Variants in ZNF546 observed in about 807,000 individuals in gnomAD.
The protein encoded by ZNF546 is CTC-471F3.6.
ZNF546 carries 60 observed loss-of-function variants against 76.2 expected under a neutral mutation model. That is an observed-to-expected ratio of 0.79 (90% CI 0.64 to 0.98). The LOEUF (loss-of-function observed/expected upper bound fraction) is 0.98. ZNF546 is among the 50% of genes least tolerant of loss of function. ZNF546 has a pLI of 0.00. For synonymous variants in ZNF546, 277 were observed against 328.1 expected, an observed-to-expected ratio of 0.84 and a Z score of 1.68; for missense variants, 936 against 1,035.6, an observed-to-expected ratio of 0.90 and a Z score of 1.32.
chr19:40,015,621 A>G lies in ZNF546; in HGVS notation c.2351A>G (p.Lys784Arg). 1.2e-6 allele frequency: 2 copies of G among 1,614,128 alleles called. No homozygotes were observed. The highest frequency in any genetic ancestry group is 1.7e-6 in the Non-Finnish European group (2 of 1,180,018). The change falls in exon 7 of 7, where the codon AAA (lysine) becomes AGA (arginine). Residue 784 changes from lysine (K) to arginine (R), a missense_variant. Transcript: ENST00000347077. ...EKPYKCKECG[K>R]AFSVNSELTR... ...CCCTATAAATGTAAAGAATGTGGGA[A>G]AGCCTTCAGTGTTAATTCAGAACTT...
chr19:40,007,342 G>A lies in ZNF546; in HGVS notation c.240G>A (p.Val80=), dbSNP rs1971616370. The A allele has an allele frequency of 1.2e-6, 2 of 1,607,760 alleles. No individual in the cohort carries two copies. Among genetic ancestry groups the A allele is most frequent in the South Asian group, 1.1e-5 (1 of 90,116 alleles). The part of the protein sequence containing the change: ...SQEEWECLDA[V]QRDLYKDVML... ...AGGAGTGGGAGTGCCTGGACGCTGT[G>A]CAGAGGGACTTGTACAAGGATGTGA... is the stretch of plus-strand genomic sequence containing the variant. The change falls in exon 5 of 7, where the codon GTG becomes GTA. Residue 80 remains valine (V), a synonymous_variant. Coordinates refer to ENST00000347077, the MANE Select transcript of ZNF546 (RefSeq NM_178544.5).
rs1451397836 is a variant in ZNF546, at chr19:40,014,766, G to A, written c.1496G>A (p.Cys499Tyr). ...RTHTGEIPYECKECGKTFSSR... is the reference protein window; with the variant it reads ...RTHTGEIPYEYKECGKTFSSR... ...CACACCGGTGAGATTCCCTATGAAT[G>A]TAAGGAATGTGGAAAAACCTTCAGT... The change falls in exon 7 of 7, where the codon TGT (cysteine) becomes TAT (tyrosine). Residue 499 changes from cysteine (C) to tyrosine (Y), a missense_variant. Cys to Tyr is a radical substitution (Grantham distance 194). Coordinates refer to ENST00000347077, the MANE Select transcript of ZNF546 (RefSeq NM_178544.5). 6 of 1,613,628 alleles carry A rather than the reference G, an allele frequency of 3.7e-6. No individual in the cohort carries two copies. The Admixed American group carries it at 8.3e-5, about 22-fold the overall frequency.
rs1971739563 is a variant in ZNF546, at chr19:40,015,053, A to C, written c.1783A>C (p.Asn595His). 1 of 1,613,438 alleles carries C rather than the reference A, an allele frequency of 6.2e-7. No individual in the cohort carries two copies. Among genetic ancestry groups the C allele is most frequent in the African/African-American group, 1.3e-5 (1 of 74,830 alleles). The change falls in exon 7 of 7, where the codon AAT becomes CAT. Residue 595 changes from asparagine to histidine, a missense_variant. Asn to His is a moderately conservative substitution (Grantham distance 68, BLOSUM62 1). Coordinates refer to ENST00000347077, the MANE Select transcript of ZNF546 (RefSeq NM_178544.5). Reference protein sequence around the residue: ...ECGKIFSRRYNLTQHFKIHTG... With the variant: ...ECGKIFSRRYHLTQHFKIHTG... ...TGGGAAGATTTTTAGTCGTCGCTAT[A>C]ATCTTACTCAACATTTTAAAATTCA...
chr19:40,014,228 C>A lies in ZNF546; in HGVS notation c.958C>A (p.Gln320Lys), dbSNP rs548337920. The A allele has an allele frequency of 1.9e-6, 3 of 1,613,468 alleles. No individual in the cohort carries two copies. The Admixed American group carries it at 5.0e-5, about 27-fold the overall frequency. ...FSRVRDLRVH[Q>K]TIHAGERPYE... is the part of the protein sequence containing the mutation. ...TCGTGTTAGAGACCTTAGAGTACAT[C>A]AGACAATTCATGCTGGAGAGAGACC... The change falls in exon 7 of 7, where the codon CAG becomes AAG. Residue 320 changes from glutamine to lysine, a missense_variant. Transcript: ENST00000347077.
At chr19:39,998,468 GT>G in intron 3 of ZNF546, 58 bp downstream of exon 3, 1 of 1,389,848 alleles carries the variant, frequency 7.2e-7, no homozygotes, top group Non-Finnish European at 1.0e-6. Context: ...TGAGATTAAT[GT>G]TTAGGTAGAA....
intron 3 of ZNF546, 147 bp downstream of exon 3, chr19:39,998,557 G>A (rs1568382603): frequency 3.1e-6 from 2 of 647,242 alleles, no homozygotes; most frequent in Non-Finnish European, 5.3e-6. Flanking sequence ...GACCTGACTA[G>A]TGTCAGTAAG....
intron 6 of ZNF546, chr19:40,011,128 T>G (rs1971666485): frequency 6.6e-6 from 1 of 152,234 alleles, no homozygotes; most frequent in Non-Finnish European, 1.5e-5. Flanking sequence ...TTAATTTGAT[T>G]AAGTTAATTT....
At chr19:40,000,876 A>G (rs1384708845) in intron 3 of ZNF546, among the ~76,000 whole-genome samples, 1 of 152,078 alleles carries the variant, frequency 6.6e-6, no homozygotes, top group East Asian at 1.9e-4. Context: ...TGTGCATTTT[A>G]TTCCCATTAT....
chr19:40,012,307 C>G (rs961393349), intron 6 of ZNF546, among the ~76,000 whole-genome samples: 7 of 152,116 alleles, frequency 4.6e-5, no homozygotes, highest in East Asian at 1.9e-4. Flanking sequence ...TCCATTTATA[C>G]TTTTGATTGA....
chr19:40,005,910 C>G (rs895838875), intron 3 of ZNF546, among the ~76,000 whole-genome samples, 186 bp from the exon 4 acceptor site: 1 of 152,154 alleles, frequency 6.6e-6, no homozygotes, highest in Non-Finnish European at 1.5e-5. Flanking sequence ...GTTGTCATCA[C>G]CTGGCAACCG....
At chr19:40,011,148 T>G (rs544590713) in intron 6 of ZNF546, 1 of 152,384 alleles carries the variant, frequency 6.6e-6, no homozygotes, top group East Asian at 1.9e-4. Flanking sequence ...TATCACATTT[T>G]TCTCTTATGG....
At chr19:40,005,513 C>T (rs1369327885) in intron 3 of ZNF546, among the ~76,000 whole-genome samples, 1 of 152,106 alleles carries the variant, frequency 6.6e-6, no homozygotes, top group African/African-American at 2.4e-5. Context: ...GTCTGCCATT[C>T]TAATAATTGT....
At chr19:40,005,121 C>T (rs1413069701) in intron 3 of ZNF546, among the ~76,000 whole-genome samples, 3 of 147,112 alleles carry the variant, frequency 2.0e-5, no homozygotes, top group Admixed American at 6.9e-5. Context: ...CGGGTTCAAG[C>T]GATTCTCCTG....
chr19:40,015,189 C>G lies in ZNF546; in HGVS notation c.1919C>G (p.Thr640Arg). 6.2e-7 allele frequency: 1 copy of G among 1,603,100 alleles called. No individual in the cohort carries two copies. Residue 640 changes from threonine to arginine, a missense_variant, in exon 7 of 7, where the codon ACA becomes AGA. Coordinates refer to ENST00000347077, the MANE Select transcript of ZNF546 (RefSeq NM_178544.5). The part of the protein sequence containing the change: ...IHTGEKPYKC[T>R]ECGKAFIRST... The stretch of plus-strand genomic sequence containing the variant: ...ACTGGTGAAAAACCCTATAAATGTA[C>G]AGAATGTGGGAAGGCCTTTATTCGT...
In ZNF546 at chr19:40,015,333, C is replaced by T. The variant is rs1465475548; in HGVS notation, c.2063C>T (p.Thr688Ile). The T allele has an allele frequency of 1.1e-5, 17 of 1,614,010 alleles. No individual in the cohort carries two copies. Among genetic ancestry groups the T allele is most frequent in the South Asian group, 2.2e-5 (2 of 91,088 alleles). Residue 688 changes from threonine to isoleucine, a missense_variant, in exon 7 of 7, where the codon ACT becomes ATT. Thr to Ile is a moderately conservative substitution (Grantham distance 89). Coordinates refer to ENST00000347077, the MANE Select transcript of ZNF546 (RefSeq NM_178544.5). ...CTTACTCAACATCACAGAGGCCATACTGGTGAGAAGCCCTACATATGTAAT... is the reference window on the plus strand; with the variant it reads ...CTTACTCAACATCACAGAGGCCATATTGGTGAGAAGCCCTACATATGTAAT... ...YHLTQHHRGHTGEKPYICNEC... is the reference protein window; with the variant it reads ...YHLTQHHRGHIGEKPYICNEC...
intron 3 of ZNF546, among the ~76,000 whole-genome samples, chr19:40,002,666 C>T (rs548938542): frequency 1.3e-5 from 2 of 151,462 alleles, no homozygotes; most frequent in South Asian, 4.2e-4. Context: ...TAATAAGCAC[C>T]TGAAATATGG....
In ZNF546 at chr19:40,019,603, A is replaced by G. The variant is rs1971827979; in HGVS notation, c.*3822A>G. On this transcript the variant is annotated 3_prime_UTR_variant, in exon 7 of 7. Coordinates refer to ENST00000347077, the MANE Select transcript of ZNF546 (RefSeq NM_178544.5). Reference sequence around the variant, plus strand: ...TATTGAAAATTTCAAGGAGGAAGTAATATCAAAATTTCACTAGCTCTTTCT... The same window carrying G: ...TATTGAAAATTTCAAGGAGGAAGTAGTATCAAAATTTCACTAGCTCTTTCT... 6.6e-6 allele frequency: 1 copy of G among 152,152 alleles called. No individual in the cohort carries two copies. Among genetic ancestry groups the G allele is most frequent in the Admixed American group, 6.5e-5 (1 of 15,268 alleles). The allele number at this position is 152,152 out of a possible 1,614,324, so 9.4% of individuals were successfully genotyped here. A position where few individuals can be genotyped will look rare whatever the true frequency, so the allele number is the denominator to read the frequency against.
At chr19:39,999,954 T>G (rs1971506413) in intron 3 of ZNF546, 1 of 152,196 alleles carries the variant, frequency 6.6e-6, no homozygotes, top group South Asian at 2.1e-4. Context: ...GCACTTTTCT[T>G]CCTGCAGAAT....
Position 40,015,142 on chromosome 19 carries a change from T to A in ZNF546, c.1872T>A (p.Leu624=), listed in dbSNP as rs1568389414. 2 of 1,614,078 alleles carry A rather than the reference T, an allele frequency of 1.2e-6. No individual in the cohort carries two copies. Among genetic ancestry groups the A allele is most frequent in the Non-Finnish European group, 8.5e-7 (1 of 1,180,004 alleles). ...AAGCCTTTCGATTTCAAACAGAACT[T>A]ACTCAGCATCACAGAATTCATACTG... The part of the protein sequence containing the change: ...CGKAFRFQTE[L]TQHHRIHTGE... The change falls in exon 7 of 7, where the codon CTT becomes CTA. Residue 624 remains leucine, a synonymous_variant. Transcript: ENST00000347077.
Sources: allele counts gnomAD v4.1 joint callset (sites outside exome capture counted in the v4.1 genomes callset), GRCh38; gene constraint gnomAD v4.1.1; transcripts MANE v1.5; gene names NCBI Gene and HGNC (gene_info 2026-07-23, HGNC 2026-07-21).